Variants in CD8A observed in about 807,000 individuals in gnomAD.
CD8A encodes the protein T-cell surface glycoprotein CD8 alpha chain.
A neutral mutation model predicts 24.2 loss-of-function variants in CD8A; 25 were observed. That is an observed-to-expected ratio of 1.03 (90% CI 0.75 to 1.44). CD8A has a LOEUF of 1.44. Among genes scored for constraint, CD8A ranks in the 40% most tolerant of loss-of-function variants. The probability of loss-of-function intolerance (pLI) is 0.00; values close to 1 mark genes in which losing one functional copy is unlikely to be tolerated. For synonymous variants in CD8A, 165 were observed against 149.9 expected, an observed-to-expected ratio of 1.10 and a Z score of -0.74; for missense variants, 360 against 319.7, an observed-to-expected ratio of 1.13 and a Z score of -0.96.
chr2:86,792,094 G>A (rs1313965151), upstream of CD8A, among the ~76,000 whole-genome samples: 1 of 152,022 alleles, frequency 6.6e-6, no homozygotes, highest in Non-Finnish European at 1.5e-5. Context: ...GCTGGCCTTG[G>A]GACTCCTGAG....
At chr2:86,791,393 C>A, upstream of CD8A, 2 of 399,908 alleles carry the variant, frequency 5.0e-6, no homozygotes, top group Admixed American at 2.8e-5. Flanking sequence ...GAGGAAGGAC[C>A]CTCTCCCTTC....
intron 5 of CD8A, among the ~76,000 whole-genome samples, chr2:86,787,118 T>C (rs1673051714): frequency 7.9e-6 from 1 of 126,286 alleles, no homozygotes; most frequent in Admixed American, 8.4e-5. Flanking sequence ...AATCTTGCTC[T>C]GTTACCCAGG....
In CD8A at chr2:86,790,872, G is replaced by A. The variant is rs1364908753; in HGVS notation, c.-47C>T. On this transcript the variant is annotated 5_prime_UTR_variant, in exon 1 of 6. Transcript: ENST00000283635. ...CTTGGCTCGAAGCTCGGGCGCGAGG[G>A]GAGGCGCGCGGGAGCCGGTGGGGCG... 7.2e-6 allele frequency: 11 copies of A among 1,524,860 alleles called. No individual in the cohort carries two copies. The highest frequency in any genetic ancestry group is 9.7e-6 in the Non-Finnish European group (11 of 1,136,560). 94.5% of individuals were successfully genotyped at this position (1,524,860 alleles called of 1,614,324 possible). A position where few individuals can be genotyped will look rare whatever the true frequency, so the allele number is the denominator to read the frequency against.
upstream of CD8A, among the ~76,000 whole-genome samples, chr2:86,792,174 T>C (rs1196271207): frequency 1.3e-5 from 2 of 152,120 alleles, no homozygotes; most frequent in African/African-American, 4.8e-5. Context: ...TTTTTGACTG[T>C]TGCTGTCCTG....
upstream of CD8A, among the ~76,000 whole-genome samples, chr2:86,794,223 G>A (rs1283379289): frequency 6.6e-6 from 1 of 152,158 alleles, no homozygotes; most frequent in Non-Finnish European, 1.5e-5. Flanking sequence ...ATATCCAGAA[G>A]TAGATAGAGT....
intron 2 of CD8A, among the ~76,000 whole-genome samples, chr2:86,803,422 G>A (rs1473892648): frequency 6.6e-6 from 1 of 152,122 alleles, no homozygotes; most frequent in Non-Finnish European, 1.5e-5. Flanking sequence ...ATATACAAGG[G>A]AATTCAGCCT....
rs1672975746 is a variant in CD8A at position 86,785,812 on chromosome 2, T to G, written c.*108A>C. 1.2e-5 allele frequency: 10 copies of G among 849,800 alleles called. No individual in the cohort carries two copies. Among genetic ancestry groups the G allele is most frequent in the Non-Finnish European group, 2.1e-5 (10 of 481,914 alleles). The allele number at this position is 849,800 out of a possible 1,614,324, so 52.6% of individuals were successfully genotyped here. ...CCCGCCCCCACTAAAATAATAATCA[T>G]GAGAATGAATACACAGGGAGGAAGA... is the stretch of plus-strand genomic sequence containing the variant. On this transcript the variant is annotated 3_prime_UTR_variant, in exon 6 of 6. Coordinates refer to ENST00000283635, the MANE Select transcript of CD8A (RefSeq NM_001768.7).
chr2:86,790,800 AGCAAGGC>A lies in CD8A; in HGVS notation c.19_25del (p.Ala7SerfsTer33). 4 of 1,540,336 alleles carry A rather than the reference AGCAAGGC, an allele frequency of 2.6e-6. No individual in the cohort carries two copies. The highest frequency in any genetic ancestry group is 3.5e-6 in the Non-Finnish European group (4 of 1,146,900). On this transcript the variant is annotated frameshift_variant, in exon 1 of 6. Transcript: ENST00000283635. LOFTEE classifies it high-confidence loss of function. Reference sequence around the variant, plus strand: ...ACGGAGCAGCAAGGCCAGCGGCAGGAGCAAGGCGGTCACTGGTAAGGCCATGACGCGC... The same window carrying A: ...ACGGAGCAGCAAGGCCAGCGGCAGGAGGTCACTGGTAAGGCCATGACGCGC...
upstream of CD8A, among the ~76,000 whole-genome samples, chr2:86,792,804 GCTTT>G (rs901299980): frequency 3.4e-5 from 5 of 146,994 alleles, no homozygotes; most frequent in Admixed American, 6.7e-5. Flanking sequence ...GCCTGGATGG[GCTTT>G]TTTTTTTTTT....
intron 3 of CD8A, among the ~76,000 whole-genome samples, chr2:86,799,732 G>A (rs1673602452): frequency 6.6e-6 from 1 of 151,720 alleles, no homozygotes; most frequent in Non-Finnish European, 1.5e-5. Context: ...CTCCAGCCTG[G>A]GCGACAGAGC....
chr2:86,789,280 G>A (rs775170908), intron 4 of CD8A, 43 bp downstream of exon 4: 4 of 1,289,284 alleles, frequency 3.1e-6, no homozygotes, highest in African/African-American at 2.9e-5. Context: ...CCAAGGGCAG[G>A]AGCGGGGCCG....
At chr2:86,791,757 C>T (rs1337118450), upstream of CD8A, 1 of 420,230 alleles carries the variant, frequency 2.4e-6, no homozygotes, top group East Asian at 7.0e-5. Context: ...CTGCCTTTCC[C>T]ATACACCTGC....
chr2:86,789,675 C>A lies in CD8A; in HGVS notation c.479G>T (p.Arg160Leu). 4.8e-6 allele frequency: 7 copies of A among 1,466,120 alleles called. No homozygotes were observed. In the South Asian group the frequency reaches 5.4e-5, roughly 11 times the overall value. 90.8% of individuals were successfully genotyped at this position (1,466,120 alleles called of 1,614,324 possible). Reference sequence around the variant, plus strand: ...CGCCGCTGGCCGGCACGCCTCTGGGCGCAGGGACAGGGGCTGCGACGCGAT... The same window carrying A: ...CGCCGCTGGCCGGCACGCCTCTGGGAGCAGGGACAGGGGCTGCGACGCGAT... ...PTIASQPLSL[R>L]PEACRPAAGG... Residue 160 changes from arginine (R) to leucine (L), a missense_variant, in exon 3 of 6, where the codon CGC becomes CTC. Coordinates refer to ENST00000283635, the MANE Select transcript of CD8A (RefSeq NM_001768.7).
rs115184452 is a variant in CD8A, at chr2:86,803,847, C to A, written c.-417-2190G>T. On this transcript the variant is annotated intron_variant, in intron 2 of 8. Transcript: ENST00000409511. ...TACAGGTGTGAGCTACCATGCCTGGCCTGTGGAATCTTTTAAAAAGGTCAA... is the reference window on the plus strand; with the variant it reads ...TACAGGTGTGAGCTACCATGCCTGGACTGTGGAATCTTTTAAAAAGGTCAA... Among the ~76,000 whole-genome samples the A allele has an allele frequency of 5.6e-3, 848 of 152,194 alleles. 10 individuals carry two copies. Among genetic ancestry groups the A allele is most frequent in the African/African-American group, 0.019 (798 of 41,488 alleles).
chr2:86,786,627 T>A (rs1287432038), intron 5 of CD8A, among the ~76,000 whole-genome samples: 1 of 152,328 alleles, frequency 6.6e-6, no homozygotes, highest in South Asian at 2.1e-4. Context: ...GGCAGAACTT[T>A]ATTCTCAGTT....
intron 2 of CD8A, among the ~76,000 whole-genome samples, chr2:86,802,273 A>G (rs1193701917): frequency 2.0e-5 from 3 of 152,142 alleles, no homozygotes; most frequent in Non-Finnish European, 4.4e-5. Flanking sequence ...CCTGAACTCT[A>G]GTAATCTGCC....
At chr2:86,786,791 C>T (rs996778789) in intron 5 of CD8A, among the ~76,000 whole-genome samples, 35 of 152,040 alleles carry the variant, frequency 2.3e-4, no homozygotes, top group African/African-American at 5.1e-4. Context: ...GAGGCCAAGG[C>T]GGGCGGATCA....
At chr2:86,786,293 A>G (rs917309519) in intron 5 of CD8A, among the ~76,000 whole-genome samples, 3 of 152,212 alleles carry the variant, frequency 2.0e-5, no homozygotes, top group African/African-American at 7.2e-5. Flanking sequence ...GCCCCTGTCA[A>G]GGTCTCCACA....
At chr2:86,789,775 G>A in intron 2 of CD8A, 25 bp from the exon 3 acceptor site, 1 of 1,309,506 alleles carries the variant, frequency 7.6e-7, no homozygotes, top group Non-Finnish European at 9.8e-7. Context: ...GAGCGTGGTT[G>A]GGGGCCAGGC....
Sources: allele counts gnomAD v4.1 joint callset (sites outside exome capture counted in the v4.1 genomes callset), GRCh38; gene constraint gnomAD v4.1.1; transcripts MANE v1.5; gene names NCBI Gene and HGNC (gene_info 2026-07-23, HGNC 2026-07-21).